Variants in FOXK2 observed in about 807,000 individuals in gnomAD.
The protein encoded by FOXK2 is forkhead box K2, also known as forkhead box protein K2.
Under a neutral mutation model 53.3 loss-of-function variants are expected in FOXK2, and 24 were observed. The ratio of observed to expected loss-of-function variants is 0.45; its 90% CI spans 0.33 to 0.63. The LOEUF (loss-of-function observed/expected upper bound fraction) is 0.63, where lower values mean the gene tolerates loss of function less well. Ranked by LOEUF, FOXK2 falls within the 30% of genes least tolerant of loss-of-function variation. FOXK2 has a pLI of 0.03. For missense variants in FOXK2, 952 were observed against 910.5 expected, an observed-to-expected ratio of 1.05 and a Z score of -0.59; for synonymous variants, 505 against 407.1, an observed-to-expected ratio of 1.24 and a Z score of -2.89.
chr17:82,574,438 A>G (rs575956971), intron 4 of FOXK2, among the ~76,000 whole-genome samples: 194 of 151,542 alleles, frequency 1.3e-3, no homozygotes, highest in African/African-American at 4.6e-3. Flanking sequence ...CTCCTGCCTC[A>G]GCCTCATGAG....
chr17:82,577,729 T>C (rs2045006453), intron 4 of FOXK2, among the ~76,000 whole-genome samples: 1 of 152,142 alleles, frequency 6.6e-6, no homozygotes, highest in South Asian at 2.1e-4. Context: ...GTTCCTTTTA[T>C]TTATTTTTGT....
chr17:82,560,875 G>T (rs1356055078), intron 1 of FOXK2, among the ~76,000 whole-genome samples: 1 of 152,088 alleles, frequency 6.6e-6, no homozygotes. Flanking sequence ...GCGGAGGATC[G>T]CTTGAGCCTG....
intron 8 of FOXK2, chr17:82,595,752 C>T (rs1172101752): frequency 7.8e-7 from 1 of 1,288,446 alleles, no homozygotes; most frequent in Admixed American, 2.3e-5. Context: ...GCTCCTGTGA[C>T]TTGGGGTCCT....
At chr17:82,573,420 G>C (rs1235113388) in intron 4 of FOXK2, among the ~76,000 whole-genome samples, 2 of 152,098 alleles carry the variant, frequency 1.3e-5, no homozygotes, top group Non-Finnish European at 1.5e-5. Flanking sequence ...GATTTGGAGA[G>C]TAGTTCCATA....
intron 8 of FOXK2, chr17:82,588,298 C>T (rs1214914713): frequency 2.0e-5 from 3 of 153,310 alleles, no homozygotes; most frequent in South Asian, 2.0e-4. Context: ...TCTCCTCCTT[C>T]TCTTCTCTCT....
intron 4 of FOXK2, among the ~76,000 whole-genome samples, chr17:82,575,049 TAAAC>T (rs1432143834): frequency 3.3e-5 from 5 of 152,236 alleles, no homozygotes; most frequent in African/African-American, 9.6e-5. Context: ...TTTTTACTAT[TAAAC>T]AAATCAAAGG....
At chr17:82,573,558 TCTCTCACACACACACACACACACACA>T (rs2044946121) in intron 4 of FOXK2, among the ~76,000 whole-genome samples, 7 of 90,726 alleles carry the variant, frequency 7.7e-5, no homozygotes, top group Non-Finnish European at 8.8e-5. Flanking sequence ...TCTCTCTCTC[TCTCTCACACACACACACACACACACA>T]CACACACACA....
chr17:82,559,303 C>G (rs959769363), intron 1 of FOXK2: 1 of 448,466 alleles, frequency 2.2e-6, no homozygotes, highest in Non-Finnish European at 4.5e-6. Context: ...CGCTGTTCTT[C>G]CCATCTCTGC....
At chr17:82,555,992 T>C (rs1437947706) in intron 1 of FOXK2, among the ~76,000 whole-genome samples, 1 of 151,932 alleles carries the variant, frequency 6.6e-6, no homozygotes, top group Non-Finnish European at 1.5e-5. Flanking sequence ...GATCCACATT[T>C]TGCTCATTTC....
At chr17:82,539,417 C>T (rs527799918) in intron 1 of FOXK2, among the ~76,000 whole-genome samples, 3 of 151,866 alleles carry the variant, frequency 2.0e-5, no homozygotes, top group African/African-American at 4.8e-5. Flanking sequence ...GAAGCTGATG[C>T]GGGAGGATCA....
chr17:82,525,100 C>G (rs917002111), intron 1 of FOXK2, among the ~76,000 whole-genome samples: 2 of 151,666 alleles, frequency 1.3e-5, no homozygotes, highest in East Asian at 3.9e-4. Flanking sequence ...CTCAGCCTCC[C>G]GAGTAGCTGG....
chr17:82,557,124 C>T (rs946625005), intron 1 of FOXK2, among the ~76,000 whole-genome samples: 1 of 151,590 alleles, frequency 6.6e-6, no homozygotes, highest in African/African-American at 2.4e-5. Context: ...CCTCCACCTC[C>T]CAGGCTCAAG....
intron 1 of FOXK2, among the ~76,000 whole-genome samples, chr17:82,557,431 C>T (rs1342805335): frequency 4.0e-5 from 6 of 151,832 alleles, no homozygotes; most frequent in East Asian, 1.9e-4. Context: ...GCAACCTCCG[C>T]TCCCCAGGTT....
At chr17:82,572,973 G>A (rs373188206) in intron 4 of FOXK2, among the ~76,000 whole-genome samples, 6 of 152,160 alleles carry the variant, frequency 3.9e-5, no homozygotes, top group Admixed American at 2.6e-4. Flanking sequence ...GGTGGATCGC[G>A]TGACTCTAGG....
intron 1 of FOXK2, among the ~76,000 whole-genome samples, chr17:82,549,897 C>T (rs1338473525): frequency 6.6e-6 from 1 of 152,164 alleles, no homozygotes. Flanking sequence ...AAACATGGGA[C>T]CTGTAGTTGA....
At chr17:82,544,214 A>G (rs986063180) in intron 1 of FOXK2, among the ~76,000 whole-genome samples, 2 of 152,214 alleles carry the variant, frequency 1.3e-5, no homozygotes, top group Non-Finnish European at 2.9e-5. Flanking sequence ...CGCCCGGCCA[A>G]GCTTTTACTT....
chr17:82,540,138 G>A (rs557951024), intron 1 of FOXK2, among the ~76,000 whole-genome samples: 104 of 152,182 alleles, frequency 6.8e-4, no homozygotes, highest in African/African-American at 2.1e-3. Flanking sequence ...AAAATTAGCC[G>A]AGTGTGATGG....
rs1419908433 is a variant in FOXK2 at position 82,525,892 on chromosome 17, CTT to C, written c.419+5587_419+5588del. 4.6e-5 allele frequency among the ~76,000 whole-genome samples: 7 copies of C among 152,258 alleles called. No individual in the cohort carries two copies. The South Asian group carries it at 1.5e-3, about 32-fold the overall frequency. The stretch of plus-strand genomic sequence containing the variant: ...TTTCTTACGTGGCCTGAATCCCACA[CTT>C]TCTTTCTTACGTGGCATGAATCCCA... On this transcript the variant is annotated intron_variant, in intron 1 of 8. Transcript: ENST00000335255.
rs1268296220 is a variant in FOXK2, at chr17:82,584,031, C to T, written c.1122C>T (p.Pro374=). Residue 374 remains proline (P), a synonymous_variant, in exon 6 of 9, where the codon CCC becomes CCT. Transcript: ENST00000335255. ...PLSSRSAPAS[P]NHAGVLSAHS... ...GACACAGGAGTGCCCCAGCCTCTCC[C>T]AATCACGCGGGAGTGCTGTCTGCTC... The T allele has an allele frequency of 6.2e-7, 1 of 1,602,638 alleles. No individual in the cohort carries two copies.
Sources: allele counts gnomAD v4.1 joint callset (sites outside exome capture counted in the v4.1 genomes callset), GRCh38; gene constraint gnomAD v4.1.1; transcripts MANE v1.5; gene names NCBI Gene and HGNC (gene_info 2026-07-23, HGNC 2026-07-21).